The following HABP2 variants were observed in gnomAD, a reference collection of about 807,000 sequenced individuals.
HABP2 encodes the protein hyaluronan binding protein 2.
Under a neutral mutation model 66.5 loss-of-function variants are expected in HABP2, and 65 were observed. That is an observed-to-expected ratio of 0.98 (90% confidence interval 0.80 to 1.20). The LOEUF (loss-of-function observed/expected upper bound fraction) is 1.20, where lower values mean the gene tolerates loss of function less well. HABP2 is among the 50% of genes most tolerant of loss of function. The pLI, the probability that HABP2 is intolerant of heterozygous loss-of-function variation, is 0.00. For missense variants in HABP2, 786 were observed against 691.0 expected (o/e 1.14, Z -1.54); for synonymous variants, 263 against 253.9 (o/e 1.04, Z -0.34).
In HABP2 at chr10:113,581,988, C is replaced by T. The variant is rs1237088878; in HGVS notation, c.951C>T (p.Gly317=). 2 of 1,614,104 alleles carry T rather than the reference C, an allele frequency of 1.2e-6. No individual in the cohort carries two copies. Among genetic ancestry groups the T allele is most frequent in the Admixed American group, 1.7e-5 (1 of 60,016 alleles). Residue 317 remains glycine, a synonymous_variant, in exon 9 of 13, where the codon GGC becomes GGT. Transcript: ENST00000351270. The stretch of plus-strand genomic sequence containing the variant: ...GGAAGATCAAGAGAATCTATGGAGG[C>T]TTTAAGAGCACGGCGGGCAAGCACC... ...AERKIKRIYG[G]FKSTAGKHPW...
At chr10:113,555,485 G>A (rs1844974759) in intron 1 of HABP2, among the ~76,000 whole-genome samples, 2 of 152,168 alleles carry the variant, frequency 1.3e-5, no homozygotes, top group African/African-American at 4.8e-5. Context: ...AAGAAAGGCA[G>A]CTATAGGATC....
chr10:113,574,006 G>T (rs1301755858), intron 2 of HABP2, among the ~76,000 whole-genome samples: 2 of 152,156 alleles, frequency 1.3e-5, no homozygotes, highest in African/African-American at 4.8e-5. Flanking sequence ...AAGTTCAAGG[G>T]AGTAGAAAGC....
chr10:113,567,095 C>G (rs753921347), intron 1 of HABP2, among the ~76,000 whole-genome samples: 1 of 152,144 alleles, frequency 6.6e-6, no homozygotes, highest in Admixed American at 6.6e-5. Flanking sequence ...GTAAACAAGG[C>G]TGATGCAAGC....
At chr10:113,568,734 A>T (rs1272547913) in intron 2 of HABP2, among the ~76,000 whole-genome samples, 1 of 152,168 alleles carries the variant, frequency 6.6e-6, no homozygotes, top group Non-Finnish European at 1.5e-5. Flanking sequence ...CCCCAGCCTT[A>T]AGCCCAAATT....
intron 2 of HABP2, among the ~76,000 whole-genome samples, chr10:113,569,352 T>G (rs1249854431): frequency 6.6e-6 from 1 of 152,182 alleles, no homozygotes; most frequent in East Asian, 1.9e-4. Flanking sequence ...ATTGGGCCTT[T>G]TTGCAAAGAG....
intron 10 of HABP2, among the ~76,000 whole-genome samples, chr10:113,583,603 T>G (rs1440005636): frequency 6.6e-6 from 1 of 152,254 alleles, no homozygotes; most frequent in African/African-American, 2.4e-5. Flanking sequence ...TGGAATAGGC[T>G]TGGCCTGGAA....
At position 113,588,243 on chromosome 10, in the gene HABP2, C is replaced by T. The variant is rs759148142; in HGVS notation, c.1557C>T (p.Gly519=). 2.5e-6 allele frequency: 4 copies of T among 1,612,986 alleles called. No individual in the cohort carries two copies. The Admixed American group carries it at 5.0e-5, about 20-fold the overall frequency. The change falls in exon 13 of 13, where the codon GGC becomes GGT. Residue 519 remains glycine, a synonymous_variant. Coordinates refer to ENST00000351270, the MANE Select transcript of HABP2 (RefSeq NM_004132.5). ...SGGPLTCEKD[G]TYYVYGIVSW... ...GCCCCCTGACCTGTGAGAAGGACGGCACCTACTACGTCTATGGGATAGTGA... is the reference window on the plus strand; with the variant it reads ...GCCCCCTGACCTGTGAGAAGGACGGTACCTACTACGTCTATGGGATAGTGA...
intron 1 of HABP2, among the ~76,000 whole-genome samples, chr10:113,553,408 G>A (rs1339185824): frequency 1.3e-5 from 2 of 152,254 alleles, no homozygotes; most frequent in Non-Finnish European, 2.9e-5. Flanking sequence ...TCTTGGAGCG[G>A]AGCCTCCATG....
intron 12 of HABP2, among the ~76,000 whole-genome samples, chr10:113,587,104 C>A (rs1478239845): frequency 1.3e-5 from 2 of 152,212 alleles, no homozygotes; most frequent in Admixed American, 1.3e-4. Flanking sequence ...CACCTGAGGT[C>A]AGGAGTTCAA....
Position 113,588,367 on chromosome 10 carries a change from T to C in HABP2, c.1681T>C (p.Ter561GlnextTer36), listed in dbSNP as rs1331390903. Residue 561 changes from the stop codon to glutamine, a stop_lost, in exon 13 of 13, where the codon TAA becomes CAA. Coordinates refer to ENST00000351270, the MANE Select transcript of HABP2 (RefSeq NM_004132.5). Reference protein sequence around the residue: ...KATIKSESGF* With the variant: ...KATIKSESGFQ ...CACCATCAAAAGTGAAAGTGGCTTC[T>C]AAGGTACTGTCTTCTGGACCTCAGA... is the stretch of plus-strand genomic sequence containing the variant. 6.2e-7 allele frequency: 1 copy of C among 1,610,610 alleles called. No individual in the cohort carries two copies. The highest frequency in any genetic ancestry group is 8.5e-7 in the Non-Finnish European group (1 of 1,178,078).
intron 12 of HABP2, among the ~76,000 whole-genome samples, chr10:113,587,435 T>C (rs1419803868): frequency 6.6e-6 from 1 of 152,248 alleles, no homozygotes; most frequent in Non-Finnish European, 1.5e-5. Context: ...TTCTGTCTCT[T>C]ACTGTATGGC....
At chr10:113,561,954 T>G (rs1413401976) in intron 1 of HABP2, among the ~76,000 whole-genome samples, 2 of 152,196 alleles carry the variant, frequency 1.3e-5, no homozygotes, top group Non-Finnish European at 2.9e-5. Flanking sequence ...CTTTTCTCCC[T>G]GCCTTCCTCA....
chr10:113,555,370 G>T (rs964533337), intron 1 of HABP2, among the ~76,000 whole-genome samples: 1 of 152,138 alleles, frequency 6.6e-6, no homozygotes, highest in Non-Finnish European at 1.5e-5. Flanking sequence ...TCTTTGGTTC[G>T]TACAGCTTCA....
Position 113,578,709 on chromosome 10 carries a change from C to T in HABP2, c.651C>T (p.Tyr217=), listed in dbSNP as rs1189125102. Residue 217 remains tyrosine, a synonymous_variant, in exon 7 of 13, where the codon TAC becomes TAT. Coordinates refer to ENST00000351270, the MANE Select transcript of HABP2 (RefSeq NM_004132.5). ...NRTVNQHACL[Y]WNSHLLLQEN... ...CAGTCAACCAGCATGCGTGCCTTTACTGGAACTCCCACCTCCTCTTGCAGG... is the reference window on the plus strand; with the variant it reads ...CAGTCAACCAGCATGCGTGCCTTTATTGGAACTCCCACCTCCTCTTGCAGG... 6.2e-7 allele frequency: 1 copy of T among 1,609,342 alleles called. No individual in the cohort carries two copies.
chr10:113,584,767 G>T (rs1845602622), intron 11 of HABP2, among the ~76,000 whole-genome samples: 1 of 152,144 alleles, frequency 6.6e-6, no homozygotes, highest in South Asian at 2.1e-4. Flanking sequence ...TGGGGGTCAG[G>T]TCCCATTCAT....
chr10:113,577,088 A>G, intron 4 of HABP2, 62 bp from the exon 5 acceptor site: 1 of 900,032 alleles, frequency 1.1e-6, no homozygotes, highest in Non-Finnish European at 1.9e-6. Flanking sequence ...ATTGTTTTAT[A>G]CATGTATCCC....
chr10:113,557,592 G>T (rs1368307376), intron 1 of HABP2, among the ~76,000 whole-genome samples: 1 of 152,146 alleles, frequency 6.6e-6, no homozygotes, highest in Non-Finnish European at 1.5e-5. Flanking sequence ...AGGAAAAATG[G>T]TTGGCGGGGA....
At chr10:113,568,701 A>AG (rs2133758652) in intron 2 of HABP2, among the ~76,000 whole-genome samples, 1 of 152,292 alleles carries the variant, frequency 6.6e-6, no homozygotes, top group African/African-American at 2.4e-5. Flanking sequence ...GCCAAGACCA[A>AG]GGGGCTGGAA....
chr10:113,564,605 CTT>C (rs1356501763), intron 1 of HABP2, among the ~76,000 whole-genome samples: 1 of 152,250 alleles, frequency 6.6e-6, no homozygotes, highest in East Asian at 1.9e-4. Flanking sequence ...AATGACCTCT[CTT>C]CCTTTTTTTG....
Sources: gnomAD v4.1 joint callset for allele counts (sites outside exome capture counted in the v4.1 genomes callset) on GRCh38, gnomAD v4.1.1 for gene constraint, MANE v1.5 for transcripts, NCBI Gene and HGNC (gene_info 2026-07-23, HGNC 2026-07-21) for gene names.